Variants in PARD3 observed in about 807,000 individuals in gnomAD.
The protein encoded by PARD3 is partitioning defective 3 homolog.
In PARD3, 75 loss-of-function variants were observed where a neutral mutation model predicts 155.4. The observed-to-expected ratio is 0.48, with a 90% CI of 0.40 to 0.58. PARD3 has a LOEUF of 0.58. Among genes scored for constraint, PARD3 ranks in the 20% least tolerant of loss-of-function variants. The pLI is 0.00. For synonymous variants in PARD3, 576 were observed against 610.5 expected, an observed-to-expected ratio of 0.94 and a Z score of 0.83; for missense variants, 1,642 against 1,721.7, an observed-to-expected ratio of 0.95 and a Z score of 0.82.
chr10:34,542,159 A>C (rs1564825912), intron 2 of PARD3, among the ~76,000 whole-genome samples: 1 of 151,944 alleles, frequency 6.6e-6, no homozygotes, highest in Non-Finnish European at 1.5e-5. Context: ...AAAATAAAAT[A>C]GGAAATATCA....
intron 22 of PARD3, among the ~76,000 whole-genome samples, chr10:34,182,196 C>T (rs775010114): frequency 6.6e-6 from 1 of 152,210 alleles, no homozygotes; most frequent in African/African-American, 2.4e-5. Flanking sequence ...CAGAGCTCCC[C>T]TGCCCCAGGC....
intron 19 of PARD3, among the ~76,000 whole-genome samples, chr10:34,322,758 C>T (rs548803527): frequency 6.6e-6 from 1 of 152,094 alleles, no homozygotes. Flanking sequence ...ACTCACTGAG[C>T]AATTAAATGA....
At chr10:34,563,764 C>T (rs904398604) in intron 2 of PARD3, among the ~76,000 whole-genome samples, 6 of 152,058 alleles carry the variant, frequency 3.9e-5, no homozygotes, top group Non-Finnish European at 8.8e-5. Flanking sequence ...CTCTTGACCT[C>T]GTGATCCGCC....
chr10:34,289,518 A>T (rs1167674652), intron 20 of PARD3, among the ~76,000 whole-genome samples: 5 of 150,102 alleles, frequency 3.3e-5, no homozygotes, highest in Non-Finnish European at 5.9e-5. Context: ...TAATAATAAT[A>T]AGTAGAGGGA....
At chr10:34,785,749 T>G (rs555445311) in intron 1 of PARD3, among the ~76,000 whole-genome samples, 2 of 152,262 alleles carry the variant, frequency 1.3e-5, no homozygotes, top group South Asian at 4.2e-4. Flanking sequence ...GAAGGTCTTA[T>G]AAGACATGGG....
At chr10:34,481,094 G>A (rs911285089) in intron 3 of PARD3, among the ~76,000 whole-genome samples, 2 of 152,108 alleles carry the variant, frequency 1.3e-5, no homozygotes, top group Non-Finnish European at 2.9e-5. Context: ...GAGCCACCAC[G>A]CCCAGCCCCT....
chr10:34,790,730 G>A (rs182406126), intron 1 of PARD3, among the ~76,000 whole-genome samples: 1 of 152,346 alleles, frequency 6.6e-6, no homozygotes, highest in East Asian at 1.9e-4. Context: ...GTATCCTAAT[G>A]TAAGTAGGGT....
intron 17 of PARD3, 75 bp from the exon 18 acceptor site, chr10:34,336,318 C>A: frequency 9.1e-7 from 1 of 1,101,378 alleles, no homozygotes; most frequent in Non-Finnish European, 1.4e-6. Context: ...ATTCCCAGAT[C>A]TTTTTAGTTA....
At chr10:34,397,388 T>C (rs1458130917) in intron 7 of PARD3, among the ~76,000 whole-genome samples, 3 of 152,220 alleles carry the variant, frequency 2.0e-5, no homozygotes, top group Non-Finnish European at 2.9e-5. Flanking sequence ...GAAGAGGTTA[T>C]AAAGAATCTG....
chr10:34,784,656 C>T (rs969353574), intron 1 of PARD3, among the ~76,000 whole-genome samples: 14 of 152,294 alleles, frequency 9.2e-5, no homozygotes, highest in Admixed American at 1.3e-4. Flanking sequence ...AGGCTGGTCT[C>T]GAACTCCTGA....
chr10:34,689,679 T>C (rs1439159602), intron 2 of PARD3, among the ~76,000 whole-genome samples: 1 of 152,216 alleles, frequency 6.6e-6, no homozygotes, highest in Non-Finnish European at 1.5e-5. Flanking sequence ...TAAAAGATTC[T>C]AGAAAATATA....
At chr10:34,208,677 G>A (rs1355166677) in intron 22 of PARD3, among the ~76,000 whole-genome samples, 3 of 152,182 alleles carry the variant, frequency 2.0e-5, no homozygotes. Context: ...TGCTCATGCA[G>A]GGTGAGCGTT....
chr10:34,462,879 G>A lies in PARD3; in HGVS notation c.582+7206C>T, dbSNP rs540210233. On this transcript the variant is annotated intron_variant, in intron 4 of 24. Coordinates refer to ENST00000374788, the MANE Select transcript of PARD3 (RefSeq NM_001184785.2). ...AACGGAAAGGGAAGAGGAAAGAGAA[G>A]GGGAAGGGAAAGGGAGGAGAAAGGG... 1.1e-3 allele frequency among the ~76,000 whole-genome samples: 166 copies of A among 145,796 alleles called. 2 individuals carry two copies. The highest frequency in any genetic ancestry group is 4.1e-3 in the African/African-American group (160 of 39,230).
chr10:34,533,835 A>G (rs1265896042), intron 2 of PARD3, among the ~76,000 whole-genome samples: 1 of 151,308 alleles, frequency 6.6e-6, no homozygotes, highest in African/African-American at 2.4e-5. Context: ...CAGACTATTG[A>G]CCCAAAAGTA....
At chr10:34,610,459 A>C (rs2090799569) in intron 2 of PARD3, among the ~76,000 whole-genome samples, 1 of 152,232 alleles carries the variant, frequency 6.6e-6, no homozygotes, top group African/African-American at 2.4e-5. Context: ...TATTAAACAG[A>C]AATCTAGGCT....
chr10:34,728,986 C>G (rs973609448), intron 1 of PARD3, among the ~76,000 whole-genome samples: 6 of 152,170 alleles, frequency 3.9e-5, no homozygotes, highest in African/African-American at 1.4e-4. Context: ...ATGTACCACT[C>G]TGTTCTAACT....
intron 1 of PARD3, among the ~76,000 whole-genome samples, chr10:34,788,743 C>T (rs1293073558): frequency 6.6e-6 from 1 of 152,138 alleles, no homozygotes; most frequent in African/African-American, 2.4e-5. Flanking sequence ...TATTACAGCT[C>T]CACTAACATA....
At chr10:34,220,566 G>T (rs554312530) in intron 22 of PARD3, among the ~76,000 whole-genome samples, 9 of 152,084 alleles carry the variant, frequency 5.9e-5, no homozygotes, top group African/African-American at 2.2e-4. Context: ...CTGAATAGGG[G>T]GTGATTGACA....
At chr10:34,725,150 T>TGTGTGA (rs764850602) in intron 1 of PARD3, among the ~76,000 whole-genome samples, 2 of 98,344 alleles carry the variant, frequency 2.0e-5, no homozygotes, top group African/African-American at 7.0e-5. Context: ...TGTGTGTGTG[T>TGTGTGA]GACAGAGAGA....
Sources: gnomAD v4.1 joint callset for allele counts (sites outside exome capture counted in the v4.1 genomes callset) on GRCh38, gnomAD v4.1.1 for gene constraint, MANE v1.5 for transcripts, NCBI Gene and HGNC (gene_info 2026-07-23, HGNC 2026-07-21) for gene names.